PTK2: variants seen among roughly 807,000 people sequenced by gnomAD.
The protein encoded by PTK2 is focal adhesion kinase 1.
PTK2 carries 45 observed loss-of-function variants against 150.1 expected under a neutral mutation model. The observed-to-expected ratio is 0.30, with a 90% CI of 0.24 to 0.38. The LOEUF is 0.38. PTK2 is among the 10% of genes least tolerant of loss of function. PTK2 has a pLI of 1.00. For synonymous variants in PTK2, 432 were observed against 449.2 expected (o/e 0.96, Z 0.48); for missense variants, 919 against 1,307.3 (o/e 0.70, Z 4.58).
At chr8:140,999,025 G>C (rs1051394300) in intron 1 of PTK2, among the ~76,000 whole-genome samples, 1 of 152,124 alleles carries the variant, frequency 6.6e-6, no homozygotes, top group African/African-American at 2.4e-5. Flanking sequence ...TTCACTGCTG[G>C]ATTCATGGAA....
chr8:140,965,868 C>G (rs1322939906), intron 1 of PTK2, among the ~76,000 whole-genome samples: 3 of 152,180 alleles, frequency 2.0e-5, no homozygotes, highest in African/African-American at 7.2e-5. Flanking sequence ...CAGAGCAAGA[C>G]TCCATCTCAA....
At chr8:140,881,203 G>A (rs904765981) in intron 3 of PTK2, among the ~76,000 whole-genome samples, 1 of 152,170 alleles carries the variant, frequency 6.6e-6, no homozygotes, top group Non-Finnish European at 1.5e-5. Flanking sequence ...CACTGTAAAT[G>A]ACAGTACCCT....
chr8:140,928,320 G>A (rs568411463), intron 1 of PTK2, among the ~76,000 whole-genome samples: 1 of 152,128 alleles, frequency 6.6e-6, no homozygotes, highest in Non-Finnish European at 1.5e-5. Context: ...GTTTGGCAAG[G>A]ATATGAAGAA....
intron 26 of PTK2, 179 bp downstream of exon 29, chr8:140,700,712 G>C: frequency 1.7e-6 from 1 of 604,996 alleles, no homozygotes; most frequent in South Asian, 2.1e-5. Flanking sequence ...CTGACCTCAG[G>C]TGATCTGCTT....
chr8:140,813,230 G>GC (rs1254826275), intron 10 of PTK2, among the ~76,000 whole-genome samples: 1 of 152,130 alleles, frequency 6.6e-6, no homozygotes. Context: ...TAAGAAATTT[G>GC]CCCAAAACCA....
At chr8:140,997,633 G>T (rs1272164220) in intron 1 of PTK2, among the ~76,000 whole-genome samples, 1 of 152,242 alleles carries the variant, frequency 6.6e-6, no homozygotes, top group African/African-American at 2.4e-5. Flanking sequence ...ATGATCAACA[G>T]TATTTGACTA....
intron 1 of PTK2, among the ~76,000 whole-genome samples, chr8:140,963,944 C>T (rs902326199): frequency 4.6e-5 from 7 of 152,172 alleles, no homozygotes; most frequent in African/African-American, 1.4e-4. Context: ...CCATCACTTG[C>T]TCATTCCTTT....
chr8:140,788,206 T>G (rs1004375071), intron 14 of PTK2, among the ~76,000 whole-genome samples: 1 of 152,150 alleles, frequency 6.6e-6, no homozygotes, highest in African/African-American at 2.4e-5. Context: ...TAAGACCAGC[T>G]CTAGCATTCC....
At chr8:140,879,403 CT>C (rs1178079438) in intron 4 of PTK2, 67 bp downstream of exon 4, 39 of 1,438,374 alleles carry the variant, frequency 2.7e-5, no homozygotes, top group Non-Finnish European at 3.6e-5. Context: ...CATTTGTTAT[CT>C]TGTGCATGTT....
rs558060973 is a variant in PTK2, at chr8:140,957,352, C to T, written c.-121-31603G>A. Among the ~76,000 whole-genome samples the T allele has an allele frequency of 4.6e-5, 7 of 152,100 alleles. No individual in the cohort carries two copies. The East Asian group carries it at 9.7e-4, about 21-fold the overall frequency. On this transcript the variant is annotated intron_variant, in intron 1 of 31. Coordinates refer to ENST00000522684, the Ensembl canonical transcript of PTK2. ...CTGAGGTGGGAGGATCACTTGAGCC[C>T]GGGAAGGGGCTCACATTGTACTGCT...
intron 1 of PTK2, among the ~76,000 whole-genome samples, chr8:140,926,101 T>C (rs996125726): frequency 1.6e-4 from 25 of 152,208 alleles, no homozygotes; most frequent in Admixed American, 9.8e-4. Context: ...AACTTCTGAA[T>C]TGCAAAGCTG....
intron 8 of PTK2, among the ~76,000 whole-genome samples, chr8:140,828,728 C>T (rs1302228523): frequency 6.6e-6 from 1 of 152,186 alleles, no homozygotes; most frequent in African/African-American, 2.4e-5. Context: ...CAGGTTTACA[C>T]ACAGCAGCAT....
intron 1 of PTK2, among the ~76,000 whole-genome samples, chr8:141,000,125 AC>A (rs373286537): frequency 7.1e-6 from 1 of 141,802 alleles, no homozygotes; most frequent in African/African-American, 2.9e-5. Context: ...ACACACACAC[AC>A]CCCTTCTTCT....
chr8:140,991,049 G>A (rs957281310), intron 1 of PTK2, among the ~76,000 whole-genome samples: 8 of 152,128 alleles, frequency 5.3e-5, no homozygotes, highest in South Asian at 2.1e-4. Flanking sequence ...CAAGTTATGC[G>A]TCTAATTCTG....
intron 1 of PTK2, among the ~76,000 whole-genome samples, chr8:140,960,236 TCA>T (rs2100182687): frequency 8.7e-6 from 1 of 114,582 alleles, no homozygotes; most frequent in African/African-American, 3.5e-5. Flanking sequence ...TCTCACTCTG[TCA>T]CCCAGGCTGG....
intron 3 of PTK2, among the ~76,000 whole-genome samples, chr8:140,886,835 TA>T (rs538855256): frequency 6.6e-5 from 10 of 152,346 alleles, no homozygotes; most frequent in Non-Finnish European, 1.5e-4. Flanking sequence ...AAGTCTGGTG[TA>T]AACGTCATTC....
intron 1 of PTK2, among the ~76,000 whole-genome samples, chr8:140,962,497 GTA>G (rs2100183677): frequency 6.6e-6 from 1 of 152,132 alleles, no homozygotes; most frequent in African/African-American, 2.4e-5. Flanking sequence ...GGGGCCTCCT[GTA>G]TAGGACACAC....
At chr8:140,758,138 C>T (rs980113999) in intron 16 of PTK2, among the ~76,000 whole-genome samples, 12 of 152,128 alleles carry the variant, frequency 7.9e-5, no homozygotes, top group African/African-American at 2.9e-4. Context: ...GTTGTCCAGG[C>T]TGGAGTGCAG....
intron 22 of PTK2, among the ~76,000 whole-genome samples, chr8:140,728,268 A>G (rs558727484): frequency 5.0e-4 from 76 of 152,268 alleles, no homozygotes; most frequent in African/African-American, 1.5e-3. Flanking sequence ...TGGTGGGGCC[A>G]GGATTCAAAG....
Sources: gnomAD v4.1 joint callset for allele counts (sites outside exome capture counted in the v4.1 genomes callset) on GRCh38, gnomAD v4.1.1 for gene constraint, MANE v1.5 for transcripts, NCBI Gene and HGNC (gene_info 2026-07-23, HGNC 2026-07-21) for gene names.